MRO: variants seen among roughly 807,000 people sequenced by gnomAD.
MRO encodes maestro.
Under a neutral mutation model 31.0 loss-of-function variants are expected in MRO, and 28 were observed. The observed-to-expected ratio is 0.90, with a 90% CI of 0.67 to 1.24. The LOEUF (loss-of-function observed/expected upper bound fraction) is 1.24. Among genes scored for constraint, MRO ranks in the 50% most tolerant of loss-of-function variants. The pLI is 0.00. For synonymous variants in MRO, 108 were observed against 108.4 expected, an observed-to-expected ratio of 1.00 and a Z score of 0.02; for missense variants, 332 against 289.2, an observed-to-expected ratio of 1.15 and a Z score of -1.07.
At chr18:50,813,190 A>T (rs527515338) in intron 2 of MRO, among the ~76,000 whole-genome samples, 1 of 152,298 alleles carries the variant, frequency 6.6e-6, no homozygotes, top group Non-Finnish European at 1.5e-5. Flanking sequence ...GATTTGCTCC[A>T]TTCTGGAGAG....
In MRO at chr18:50,800,137, T is replaced by C. The variant is rs747880098; in HGVS notation, c.592A>G (p.Lys198Glu). 1.2e-6 allele frequency: 2 copies of C among 1,605,316 alleles called. No individual in the cohort carries two copies. The highest frequency in any genetic ancestry group is 1.7e-6 in the Non-Finnish European group (2 of 1,174,058). Residue 198 changes from lysine to glutamate, a missense_variant, in exon 7 of 8, where the codon AAA becomes GAA. Transcript: ENST00000398439. ...GGAGAACAGGCTTGAAATGTTGTTT[T>C]GCAAGCCTGAGAAAAATAATATTAC... ...DRNPQVAKAC[K>E]TTFQACSPYL...
intron 5 of MRO, among the ~76,000 whole-genome samples, chr18:50,801,748 C>T (rs1048757611): frequency 3.3e-5 from 5 of 152,156 alleles, no homozygotes; most frequent in South Asian, 4.1e-4. Flanking sequence ...CTCCAGCAGA[C>T]GAGAGGACTA....
rs1345304210 is a variant in MRO at position 50,796,744 on chromosome 18, C to T, written c.*2593G>A. Reference sequence around the variant, plus strand: ...AAGCAAAGAGAGTAACAGAAGAAAACGAAGGTTGAAAGCCTGAAATGGCAG... The same window carrying T: ...AAGCAAAGAGAGTAACAGAAGAAAATGAAGGTTGAAAGCCTGAAATGGCAG... On this transcript the variant is annotated 3_prime_UTR_variant, in exon 8 of 8. Transcript: ENST00000398439. 5 of 152,142 alleles carry T rather than the reference C, an allele frequency of 3.3e-5. No homozygotes were observed. The highest frequency in any genetic ancestry group is 6.6e-5 in the Admixed American group (1 of 15,260). 9.4% of individuals were successfully genotyped at this position (152,142 alleles called of 1,614,324 possible).
chr18:50,809,450 C>T, intron 2 of MRO, 46 bp from the exon 3 acceptor site: 11 of 1,286,910 alleles, frequency 8.5e-6, no homozygotes, highest in Admixed American at 1.7e-5. Flanking sequence ...AGACACTCAT[C>T]ATCAACAAAC....
chr18:50,822,420 C>T (rs1405670455), upstream of MRO, among the ~76,000 whole-genome samples: 1 of 152,182 alleles, frequency 6.6e-6, no homozygotes, highest in South Asian at 2.1e-4. Context: ...CTCACTGCAA[C>T]CTCCGCCTCC....
chr18:50,812,393 T>C lies in MRO; in HGVS notation c.-4-2989A>G, dbSNP rs1051735751. ...CTTTTTCTGAGTTGTAAGAATTCTT[T>C]ATATATTCTGAATACTAGACTATTA... On this transcript the variant is annotated intron_variant, in intron 2 of 7. Transcript: ENST00000398439. Among the ~76,000 whole-genome samples the C allele has an allele frequency of 6.6e-5, 10 of 152,220 alleles. No individual in the cohort carries two copies. In the East Asian group the frequency reaches 1.2e-3, roughly 18 times the overall value.
At chr18:50,800,264 A>G (rs1913168924) in intron 6 of MRO, 121 bp from the exon 7 acceptor site, 3 of 643,008 alleles carry the variant, frequency 4.7e-6, no homozygotes, top group Admixed American at 3.0e-5. Flanking sequence ...TGTGAAAGTA[A>G]CTTCCAGGTA....
At position 50,819,939 on chromosome 18, in the gene MRO, T is replaced by C; in HGVS notation, c.-169A>G. ...ATGCTGAGGTGTTTTTCCTTCTCCT[T>C]GCTGTGATTTCCCCTCCTTCTTCCC... is the stretch of plus-strand genomic sequence containing the variant. On this transcript the variant is annotated 5_prime_UTR_variant, in exon 1 of 8. Transcript: ENST00000398439. 1 of 1,551,712 alleles carries C rather than the reference T, an allele frequency of 6.4e-7. No individual in the cohort carries two copies. The highest frequency in any genetic ancestry group is 8.7e-7 in the Non-Finnish European group (1 of 1,146,984).
At position 50,813,906 on chromosome 18, in the gene MRO, T is replaced by C. The variant is rs1361672160; in HGVS notation, c.-4-4502A>G. 2.6e-5 allele frequency among the ~76,000 whole-genome samples: 4 copies of C among 152,192 alleles called. No homozygotes were observed. The South Asian group carries it at 8.3e-4, about 32-fold the overall frequency. On this transcript the variant is annotated intron_variant, in intron 2 of 7. Coordinates refer to ENST00000398439, the MANE Select transcript of MRO (RefSeq NM_031939.6). ...TTGGGTACCATGCTTATTACCTGAGTGACAAAACAATCTGTACTTCAAACA... is the reference window on the plus strand; with the variant it reads ...TTGGGTACCATGCTTATTACCTGAGCGACAAAACAATCTGTACTTCAAACA...
chr18:50,803,129 T>G (rs1222920373), intron 5 of MRO, among the ~76,000 whole-genome samples: 1 of 152,096 alleles, frequency 6.6e-6, no homozygotes, highest in Non-Finnish European at 1.5e-5. Flanking sequence ...AGATGTAAAC[T>G]ATCAGCAAAC....
chr18:50,803,074 G>A (rs1227681141), intron 5 of MRO, among the ~76,000 whole-genome samples: 2 of 152,146 alleles, frequency 1.3e-5, no homozygotes, highest in Non-Finnish European at 2.9e-5. Flanking sequence ...ACACGCACGG[G>A]TGAGCTTCAT....
intron 3 of MRO, among the ~76,000 whole-genome samples, chr18:50,808,919 T>C (rs1446305188): frequency 6.6e-6 from 1 of 150,646 alleles, no homozygotes; most frequent in East Asian, 2.0e-4. Context: ...GGGTGGATCA[T>C]GAGGTCAGGA....
intron 2 of MRO, among the ~76,000 whole-genome samples, chr18:50,811,547 A>G (rs967102803): frequency 2.6e-5 from 4 of 151,988 alleles, no homozygotes; most frequent in Non-Finnish European, 5.9e-5. Flanking sequence ...ATTCTTTTTT[A>G]TGGCTGAATA....
chr18:50,822,498 C>T (rs1484709637), upstream of MRO, among the ~76,000 whole-genome samples: 4 of 151,954 alleles, frequency 2.6e-5, no homozygotes, highest in Non-Finnish European at 4.4e-5. Flanking sequence ...CCACCACACC[C>T]GGCTAATTTT....
Position 50,804,080 on chromosome 18 carries a change from G to A in MRO, c.429+1074C>T, listed in dbSNP as rs117981992. On this transcript the variant is annotated intron_variant, in intron 5 of 7. Transcript: ENST00000398439. ...CCACTTCCTGGCTCTGTGAATTTGG[G>A]CAAGTTCTAACCTTTCTGTGCTTTG... Among the ~76,000 whole-genome samples, 1,383 of 150,948 alleles carry A rather than the reference G, an allele frequency of 9.2e-3. 14 individuals carry two copies. Among genetic ancestry groups the A allele is most frequent in the Non-Finnish European group, 0.012 (831 of 67,056 alleles).
At chr18:50,799,887 T>C (rs1226590889) in intron 7 of MRO, 149 bp downstream of exon 7, 4 of 589,746 alleles carry the variant, frequency 6.8e-6, no homozygotes, top group Non-Finnish European at 1.2e-5. Context: ...CTTGCTCTTC[T>C]CAGAAAAAAA....
chr18:50,804,216 G>T (rs748526971), intron 5 of MRO, among the ~76,000 whole-genome samples: 1 of 151,122 alleles, frequency 6.6e-6, no homozygotes, highest in Non-Finnish European at 1.5e-5. Context: ...CTGGCACACA[G>T]TGAGGGCTCA....
upstream of MRO, among the ~76,000 whole-genome samples, chr18:50,821,141 G>A (rs970930892): frequency 2.6e-5 from 4 of 152,142 alleles, no homozygotes; most frequent in African/African-American, 9.7e-5. Flanking sequence ...AAAGCATTTT[G>A]GTTTTCTTGT....
At chr18:50,814,532 C>T (rs998586226) in intron 2 of MRO, 49 of 195,102 alleles carry the variant, frequency 2.5e-4, no homozygotes, top group Non-Finnish European at 3.8e-4. Flanking sequence ...AACTCCCAAA[C>T]AAAACATCTC....
Sources: gnomAD v4.1 joint callset for allele counts (sites outside exome capture counted in the v4.1 genomes callset) on GRCh38, gnomAD v4.1.1 for gene constraint, MANE v1.5 for transcripts, NCBI Gene and HGNC (gene_info 2026-07-23, HGNC 2026-07-21) for gene names.